The following FGF2 variants were observed in gnomAD, a reference collection of about 807,000 sequenced individuals.
The protein encoded by FGF2 is fibroblast growth factor 2, also known as basic fibroblast growth factor bFGF.
FGF2 carries 13 observed loss-of-function variants against 15.9 expected under a neutral mutation model. The observed-to-expected ratio is 0.82, with a 90% CI of 0.53 to 1.30. The LOEUF is 1.30. Among genes scored for constraint, FGF2 ranks in the 50% most tolerant of loss-of-function variants. FGF2 has a pLI of 0.00. For synonymous variants in FGF2, 90 were observed against 78.4 expected, an observed-to-expected ratio of 1.15 and a Z score of -0.78; for missense variants, 163 against 196.9, an observed-to-expected ratio of 0.83 and a Z score of 1.03.
chr4:122,868,271 A>G (rs1726647802), intron 1 of FGF2, among the ~76,000 whole-genome samples: 1 of 149,950 alleles, frequency 6.7e-6, no homozygotes, highest in Admixed American at 6.6e-5. Context: ...CCCTCCTTTC[A>G]CTCCCCACCC....
At chr4:122,841,152 A>G (rs1725976245) in intron 1 of FGF2, among the ~76,000 whole-genome samples, 1 of 152,256 alleles carries the variant, frequency 6.6e-6, no homozygotes, top group African/African-American at 2.4e-5. Flanking sequence ...AAGAGAGTCT[A>G]GAGTTTTTCG....
At chr4:122,866,432 C>A (rs1424317256) in intron 1 of FGF2, among the ~76,000 whole-genome samples, 1 of 151,768 alleles carries the variant, frequency 6.6e-6, no homozygotes, top group African/African-American at 2.4e-5. Context: ...AAAATATTCT[C>A]ACATCATATG....
intron 1 of FGF2, among the ~76,000 whole-genome samples, chr4:122,843,194 T>C (rs1726034189): frequency 6.6e-6 from 1 of 152,150 alleles, no homozygotes; most frequent in Non-Finnish European, 1.5e-5. Flanking sequence ...GGGGAAGTCA[T>C]AAAAGGCTTC....
intron 2 of FGF2, among the ~76,000 whole-genome samples, chr4:122,886,038 C>T (rs2150789298): frequency 6.6e-6 from 1 of 150,622 alleles, no homozygotes; most frequent in East Asian, 2.0e-4. Flanking sequence ...CCTACCTTGG[C>T]CTCCCAAGTA....
intron 1 of FGF2, among the ~76,000 whole-genome samples, chr4:122,844,530 TTTC>T (rs1310472153): frequency 2.0e-5 from 3 of 151,814 alleles, no homozygotes; most frequent in African/African-American, 7.3e-5. Flanking sequence ...TTTCTTTCTT[TTTC>T]TTTTTTTCTT....
intron 2 of FGF2, among the ~76,000 whole-genome samples, chr4:122,887,967 A>G (rs72674921): frequency 0.022 from 3,305 of 152,322 alleles, 61 homozygotes; most frequent in Non-Finnish European, 0.036. Context: ...TAGCATTAGC[A>G]AAAAAGAAGG....
intron 1 of FGF2, among the ~76,000 whole-genome samples, chr4:122,861,165 A>C (rs1054212002): frequency 1.3e-5 from 2 of 152,040 alleles, no homozygotes; most frequent in African/African-American, 4.8e-5. Context: ...TTTTGAGAAG[A>C]TCGCAGCCAC....
rs1560761847 is a variant in FGF2 at position 122,892,947 on chromosome 4, C to T, written c.*551C>T. On this transcript the variant is annotated 3_prime_UTR_variant, in exon 3 of 3. Transcript: ENST00000644866. ...ACAGTCAGGTCAATTTTGTCAAACCCTTCTCTGTACCCATACAGCAGCAGC... is the reference window on the plus strand; with the variant it reads ...ACAGTCAGGTCAATTTTGTCAAACCTTTCTCTGTACCCATACAGCAGCAGC... 1 of 1,614,124 alleles carries T rather than the reference C, an allele frequency of 6.2e-7. No homozygotes were observed. Among genetic ancestry groups the T allele is most frequent in the Non-Finnish European group, 8.5e-7 (1 of 1,180,032 alleles).
At chr4:122,841,494 A>G (rs936594679) in intron 1 of FGF2, among the ~76,000 whole-genome samples, 1 of 152,356 alleles carries the variant, frequency 6.6e-6, no homozygotes, top group East Asian at 1.9e-4. Context: ...ACCTTTGGAC[A>G]GGAATTGTTA....
intron 2 of FGF2, among the ~76,000 whole-genome samples, chr4:122,885,913 CTTTTTTTTTTTTT>C (rs11310783): frequency 1.2e-4 from 10 of 84,526 alleles, no homozygotes; most frequent in African/African-American, 5.6e-4. Flanking sequence ...TTTTTTTTTC[CTTTTTTTTTTTTT>C]TTTTTTTTTT....
At chr4:122,884,578 T>C (rs887476103) in intron 2 of FGF2, 2 of 152,246 alleles carry the variant, frequency 1.3e-5, no homozygotes, top group Admixed American at 1.3e-4. Context: ...ATAGTCAACA[T>C]TGATACTTAC....
intron 1 of FGF2, among the ~76,000 whole-genome samples, chr4:122,855,003 C>T (rs930164547): frequency 1.3e-5 from 2 of 152,136 alleles, no homozygotes; most frequent in African/African-American, 4.8e-5. Context: ...CACACACATG[C>T]CGCTCTGTTT....
At chr4:122,838,341 T>C (rs2150764535) in intron 1 of FGF2, among the ~76,000 whole-genome samples, 1 of 152,348 alleles carries the variant, frequency 6.6e-6, no homozygotes, top group Middle Eastern at 3.4e-3. Context: ...AGGACCCTGA[T>C]ATTTACCAAG....
intron 2 of FGF2, among the ~76,000 whole-genome samples, chr4:122,891,259 C>G (rs1727179195): frequency 6.6e-6 from 1 of 151,742 alleles, no homozygotes; most frequent in South Asian, 2.1e-4. Context: ...CCAAGATGGT[C>G]TCGATCTCCT....
At chr4:122,842,823 T>C (rs1326328000) in intron 1 of FGF2, among the ~76,000 whole-genome samples, 1 of 152,236 alleles carries the variant, frequency 6.6e-6, no homozygotes, top group Non-Finnish European at 1.5e-5. Flanking sequence ...TCATCAGTTT[T>C]AAACCCTTCA....
intron 2 of FGF2, chr4:122,884,389 G>C (rs955713668): frequency 6.6e-6 from 1 of 152,186 alleles, no homozygotes; most frequent in African/African-American, 2.4e-5. Flanking sequence ...AGCCAACTTG[G>C]GAGGCTGAGG....
chr4:122,887,671 A>G (rs1727086562), intron 2 of FGF2, among the ~76,000 whole-genome samples: 1 of 152,196 alleles, frequency 6.6e-6, no homozygotes, highest in Non-Finnish European at 1.5e-5. Flanking sequence ...TATCTTTAAC[A>G]TTATTAGCAT....
chr4:122,852,865 T>C (rs1259722160), intron 1 of FGF2, among the ~76,000 whole-genome samples: 1 of 152,250 alleles, frequency 6.6e-6, no homozygotes, highest in Non-Finnish European at 1.5e-5. Flanking sequence ...TTATTAATTC[T>C]TTAAACACCA....
At position 122,896,933 on chromosome 4, in the gene FGF2, AT is replaced by A. The variant is rs776616085; in HGVS notation, c.*4538del. 1 of 152,212 alleles carries A rather than the reference AT, an allele frequency of 6.6e-6. No individual in the cohort carries two copies. The highest frequency in any genetic ancestry group is 6.5e-5 in the Admixed American group (1 of 15,278). The allele number at this position is 152,212 out of a possible 1,614,324, so 9.4% of individuals were successfully genotyped here. ...CATGATACACATTGAATTTGATCCA[AT>A]AGTTTAAGGAATAGGTAGGAAAATT... On this transcript the variant is annotated 3_prime_UTR_variant, in exon 3 of 3. Transcript: ENST00000644866.
Sources: gnomAD v4.1 joint callset for allele counts (sites outside exome capture counted in the v4.1 genomes callset) on GRCh38, gnomAD v4.1.1 for gene constraint, MANE v1.5 for transcripts, NCBI Gene and HGNC (gene_info 2026-07-23, HGNC 2026-07-21) for gene names.